TBC1D31: variants seen among roughly 807,000 people sequenced by gnomAD.
The protein encoded by TBC1D31 is WD repeat domain 67.
In TBC1D31, 99 loss-of-function variants were observed where a neutral mutation model predicts 132.9. The ratio of observed to expected loss-of-function variants is 0.74; its 90% CI spans 0.63 to 0.88. The LOEUF is 0.88. TBC1D31 is among the 40% of genes least tolerant of loss of function. The pLI is 0.00. For synonymous variants in TBC1D31, 385 were observed against 419.4 expected (o/e 0.92, Z 1.00); for missense variants, 1,134 against 1,256.6 (o/e 0.90, Z 1.48).
At chr8:123,104,933 C>T (rs933295533) in intron 7 of TBC1D31, among the ~76,000 whole-genome samples, 1 of 152,122 alleles carries the variant, frequency 6.6e-6, no homozygotes, top group Non-Finnish European at 1.5e-5. Context: ...GAGGGCCATA[C>T]CTCTAACTGT....
chr8:123,094,406 G>T (rs2130197205), intron 5 of TBC1D31, among the ~76,000 whole-genome samples: 1 of 152,012 alleles, frequency 6.6e-6, no homozygotes, highest in Non-Finnish European at 1.5e-5. Flanking sequence ...CCAATGCATT[G>T]TTTGAAGCAA....
At chr8:123,140,641 C>A in intron 17 of TBC1D31, 120 bp from the exon 18 acceptor site, 191 of 762,142 alleles carry the variant, frequency 2.5e-4, no homozygotes, top group Middle Eastern at 8.6e-4. Context: ...TTGAATTTTA[C>A]TTTGAAAATT....
At position 123,084,337 on chromosome 8, in the gene TBC1D31, G is replaced by A; in HGVS notation, c.516G>A (p.Gln172=). 6.2e-7 allele frequency: 1 copy of A among 1,613,922 alleles called. No individual in the cohort carries two copies. Among genetic ancestry groups the A allele is most frequent in the South Asian group, 1.1e-5 (1 of 91,054 alleles). The change falls in exon 4 of 22, where the codon CAG becomes CAA. Residue 172 remains glutamine, a synonymous_variant. Transcript: ENST00000287380. ...ATATTCGCCAGTCTGTGGGTATACA[G>A]AAGGTCAGTGAGGGGGTACATCTTG... ...KLNIRQSVGI[Q]KVFFLPLSNT... is the part of the protein sequence containing the mutation.
At chr8:123,093,293 C>G (rs1291180850) in intron 4 of TBC1D31, among the ~76,000 whole-genome samples, 1 of 151,936 alleles carries the variant, frequency 6.6e-6, no homozygotes, top group African/African-American at 2.4e-5. Flanking sequence ...AAAATTATAT[C>G]TTGTTTTCAT....
intron 5 of TBC1D31, among the ~76,000 whole-genome samples, chr8:123,096,960 G>A (rs6999572): frequency 0.013 from 1,938 of 152,186 alleles, 45 homozygotes; most frequent in African/African-American, 0.044. Flanking sequence ...AAATATAAGT[G>A]TTATGTGAAA....
intron 1 of TBC1D31, 101 bp from the exon 2 acceptor site, chr8:123,077,010 G>C: frequency 1.7e-6 from 2 of 1,152,212 alleles, no homozygotes; most frequent in Non-Finnish European, 2.4e-6. Context: ...AGCAGTAGGA[G>C]AGGGAAGAAT....
At chr8:123,125,878 A>T (rs745658025) in intron 11 of TBC1D31, among the ~76,000 whole-genome samples, 178 bp from the exon 12 acceptor site, 2 of 152,186 alleles carry the variant, frequency 1.3e-5, no homozygotes, top group Non-Finnish European at 2.9e-5. Flanking sequence ...ATTTCTGTAA[A>T]CATACTATGT....
At position 123,129,195 on chromosome 8, in the gene TBC1D31, GA is replaced by G; in HGVS notation, c.2251del (p.Met751Ter). ...GAGAAATGCTCTTACAAGAGGAGGAGAAAATGATACAACAAAGACAGAGGTA... is the reference window on the plus strand; with the variant it reads ...GAGAAATGCTCTTACAAGAGGAGGAGAAATGATACAACAAAGACAGAGGTA... ...RREMLLQEEE[K>X]MIQQRQRLAA... On this transcript the variant is annotated frameshift_variant, in exon 15 of 22. Transcript: ENST00000287380. LOFTEE classifies it high-confidence loss of function. 2 of 1,597,354 alleles carry G rather than the reference GA, an allele frequency of 1.3e-6. No individual in the cohort carries two copies. Among genetic ancestry groups the G allele is most frequent in the South Asian group, 1.1e-5 (1 of 89,108 alleles).
downstream of TBC1D31, among the ~76,000 whole-genome samples, chr8:123,153,281 A>C (rs1291931538): frequency 2.6e-5 from 4 of 152,200 alleles, no homozygotes; most frequent in African/African-American, 7.2e-5. Flanking sequence ...TCTGCCACCC[A>C]GAAACAGCTG....
At chr8:123,161,737 C>T in the TBC1D31 span, among the ~76,000 whole-genome samples, 1 of 151,958 alleles carries the variant, frequency 6.6e-6, no homozygotes, top group Non-Finnish European at 1.5e-5. Context: ...ACCCAATGGG[C>T]CCGGTGCATT....
chr8:123,133,281 C>A (rs1186601677), intron 16 of TBC1D31, among the ~76,000 whole-genome samples: 4 of 152,202 alleles, frequency 2.6e-5, no homozygotes, highest in Non-Finnish European at 5.9e-5. Flanking sequence ...CTAGGCCACA[C>A]CTCTCCTCCA....
At chr8:123,082,025 A>T (rs187883217) in intron 2 of TBC1D31, among the ~76,000 whole-genome samples, 326 of 152,318 alleles carry the variant, frequency 2.1e-3, no homozygotes, top group Middle Eastern at 0.01. Flanking sequence ...TAAATTACGT[A>T]TGTAGCCCAC....
At chr8:123,113,631 C>T (rs186791088) in intron 10 of TBC1D31, among the ~76,000 whole-genome samples, 6 of 152,240 alleles carry the variant, frequency 3.9e-5, no homozygotes, top group South Asian at 2.1e-4. Context: ...TAAGCTGTTA[C>T]GCTTTATATA....
chr8:123,146,843 C>T (rs1822264872), intron 20 of TBC1D31, among the ~76,000 whole-genome samples: 1 of 152,046 alleles, frequency 6.6e-6, no homozygotes, highest in African/African-American at 2.4e-5. Context: ...TGCCACCATG[C>T]CCAGCTAATC....
intron 14 of TBC1D31, 148 bp downstream of exon 14, chr8:123,128,661 G>A (rs1820327833): frequency 1.6e-6 from 1 of 626,448 alleles, no homozygotes; most frequent in Non-Finnish European, 2.7e-6. Flanking sequence ...TAGATCACAA[G>A]GTCAGGAGTT....
intron 19 of TBC1D31, 43 bp downstream of exon 19, chr8:123,142,499 T>A: frequency 2.0e-6 from 2 of 1,012,704 alleles, no homozygotes; most frequent in South Asian, 5.7e-5. Context: ...AAGCATTGAT[T>A]TTTTTTTTTT....
At chr8:123,114,876 C>A (rs781086628) in intron 10 of TBC1D31, among the ~76,000 whole-genome samples, 1 of 152,016 alleles carries the variant, frequency 6.6e-6, no homozygotes, top group Non-Finnish European at 1.5e-5. Flanking sequence ...ACTATTTTGC[C>A]GCTTATCTTC....
chr8:123,142,287 C>T lies in TBC1D31; in HGVS notation c.2666C>T (p.Ala889Val), dbSNP rs1443853481. 1.3e-6 allele frequency: 2 copies of T among 1,576,684 alleles called. No homozygotes were observed. Among genetic ancestry groups the T allele is most frequent in the Non-Finnish European group, 1.7e-6 (2 of 1,166,312 alleles). Residue 889 changes from alanine (A) to valine (V), a missense_variant, in exon 19 of 22, where the codon GCT (alanine) becomes GTT (valine). Physicochemically the swap from Ala to Val is moderately conservative, Grantham distance 64. Transcript: ENST00000287380. ...GTGATTAAAGAAAATTTGGCAAAGG[C>T]TGAACAAGCATGCCTAAATACCGAC... ...QKVIKENLAK[A>V]EQACLNTDWQ...
chr8:123,080,901 G>A (rs2129768822), intron 2 of TBC1D31, among the ~76,000 whole-genome samples: 1 of 152,238 alleles, frequency 6.6e-6, no homozygotes, highest in Middle Eastern at 3.4e-3. Flanking sequence ...ATGCCAAAGT[G>A]GGATGTTCGG....
Sources: gnomAD v4.1 joint callset for allele counts (sites outside exome capture counted in the v4.1 genomes callset) on GRCh38, gnomAD v4.1.1 for gene constraint, MANE v1.5 for transcripts, NCBI Gene and HGNC (gene_info 2026-07-23, HGNC 2026-07-21) for gene names.